The following EML6 variants were observed in gnomAD, a reference collection of about 807,000 sequenced individuals.
EML6 encodes the protein EMAP like 6, also known as echinoderm microtubule-associated protein-like 6.
A neutral mutation model predicts 240.1 loss-of-function variants in EML6; 154 were observed. The ratio of observed to expected loss-of-function variants is 0.64; its 90% CI spans 0.56 to 0.73. EML6 has a LOEUF of 0.73. EML6 is among the 30% of genes least tolerant of loss of function. The pLI, the probability that EML6 is intolerant of heterozygous loss-of-function variation, is 0.00. For synonymous variants in EML6, 1,148 were observed against 899.0 expected (o/e 1.28, Z -4.95); for missense variants, 2,964 against 2,474.6 (o/e 1.20, Z -4.20).
chr2:54,931,193 G>T (rs564060512), intron 28 of EML6, among the ~76,000 whole-genome samples: 1 of 151,926 alleles, frequency 6.6e-6, no homozygotes, highest in Middle Eastern at 3.4e-3. Flanking sequence ...TCCTGACCTC[G>T]TGATCCGCCC....
rs1672703783 is a variant in EML6 at position 54,895,276 on chromosome 2, T to G, written c.2858T>G (p.Leu953Trp). ...AATATACCATCCCCTTCCCCAGGCT[T>G]GCTTTTGGAAGATAACCCTTCAATT... Reference protein sequence around the residue: ...RSALSTSSKGLLLEDNPSIRA... With the variant: ...RSALSTSSKGWLLEDNPSIRA... The change falls in exon 21 of 42, where the codon TTG (leucine) becomes TGG (tryptophan). Residue 953 changes from leucine (L) to tryptophan (W), a missense_variant. Physicochemically the swap from Leu to Trp is moderately conservative, Grantham distance 61 (BLOSUM62 -2). Coordinates refer to ENST00000356458, the MANE Select transcript of EML6 (RefSeq NM_001039753.4). 1 of 1,551,506 alleles carries G rather than the reference T, an allele frequency of 6.4e-7. No individual in the cohort carries two copies. Among genetic ancestry groups the G allele is most frequent in the Non-Finnish European group, 8.7e-7 (1 of 1,146,866 alleles).
chr2:54,835,243 T>A (rs1299876980), intron 7 of EML6, among the ~76,000 whole-genome samples: 1 of 152,218 alleles, frequency 6.6e-6, no homozygotes, highest in Non-Finnish European at 1.5e-5. Context: ...TACAGTATAA[T>A]TTCTGTGTTA....
chr2:54,729,098 A>G (rs1683040672), intron 2 of EML6, among the ~76,000 whole-genome samples: 1 of 152,200 alleles, frequency 6.6e-6, no homozygotes, highest in South Asian at 2.1e-4. Flanking sequence ...TCATCAGTGA[A>G]ACAACTTTTC....
intron 7 of EML6, among the ~76,000 whole-genome samples, chr2:54,833,554 GATGGGTCACATTCAC>G (rs1480265273): frequency 1.3e-5 from 2 of 152,354 alleles, no homozygotes; most frequent in African/African-American, 4.8e-5. Flanking sequence ...AATGATTGGA[GATGGGTCACATTCAC>G]ATCAAGAATT....
At chr2:54,824,997 T>C (rs1339608464) in intron 5 of EML6, among the ~76,000 whole-genome samples, 1 of 152,224 alleles carries the variant, frequency 6.6e-6, no homozygotes, top group African/African-American at 2.4e-5. Flanking sequence ...ACATACATTT[T>C]AGGGAATCAT....
intron 2 of EML6, among the ~76,000 whole-genome samples, chr2:54,727,409 T>A (rs1026924141): frequency 6.6e-6 from 1 of 152,246 alleles, no homozygotes; most frequent in Non-Finnish European, 1.5e-5. Context: ...AACCACAGAT[T>A]ATTATGGAAT....
In EML6 at chr2:54,748,067, T is replaced by C. The variant is rs141195996; in HGVS notation, c.197+22809T>C. 8.4e-3 allele frequency among the ~76,000 whole-genome samples: 1,273 copies of C among 152,276 alleles called. 16 individuals are homozygous for C. The highest frequency in any genetic ancestry group is 0.029 in the African/African-American group (1,204 of 41,552). On this transcript the variant is annotated intron_variant, in intron 2 of 41. Transcript: ENST00000356458. ...GAAAATGGGTTCCTTATAGTGAAGA[T>C]TATTACAAAAATTATAATGGGTAAA...
At chr2:54,937,012 G>A (rs1162700736) in intron 28 of EML6, among the ~76,000 whole-genome samples, 1 of 146,686 alleles carries the variant, frequency 6.8e-6, no homozygotes, top group African/African-American at 2.5e-5. Flanking sequence ...GGGCACAGTG[G>A]CTCACGCCTG....
chr2:54,821,153 C>A (rs1016650834), intron 5 of EML6, among the ~76,000 whole-genome samples: 2 of 152,120 alleles, frequency 1.3e-5, no homozygotes, highest in Admixed American at 1.3e-4. Context: ...ATAAGGATTA[C>A]TTTCTTGAAT....
At position 54,887,934 on chromosome 2, in the gene EML6, C is replaced by A. The variant is rs1032776795; in HGVS notation, c.2439-3120C>A. On this transcript the variant is annotated intron_variant, in intron 17 of 41. Transcript: ENST00000356458. ...TGACATATCATTATCACCCGAAGTC[C>A]GCAGTTTATATTAGCATTCACTTGT... Among the ~76,000 whole-genome samples the A allele has an allele frequency of 8.5e-5, 13 of 152,150 alleles. 1 individual carries two copies. The highest frequency in any genetic ancestry group is 3.1e-4 in the African/African-American group (13 of 41,428).
chr2:54,804,852 TG>T (rs752311443), intron 2 of EML6, among the ~76,000 whole-genome samples: 1 of 152,242 alleles, frequency 6.6e-6, no homozygotes, highest in Non-Finnish European at 1.5e-5. Flanking sequence ...TCTTTAGACA[TG>T]TTGACTTCCT....
intron 7 of EML6, among the ~76,000 whole-genome samples, chr2:54,836,710 T>C (rs1669163728): frequency 6.6e-6 from 1 of 152,176 alleles, no homozygotes; most frequent in Non-Finnish European, 1.5e-5. Context: ...GGCCTGGTAC[T>C]CAGGAGGGCC....
At chr2:54,771,312 C>G (rs1289364539) in intron 2 of EML6, among the ~76,000 whole-genome samples, 1 of 152,190 alleles carries the variant, frequency 6.6e-6, no homozygotes, top group East Asian at 1.9e-4. Context: ...CGCTCATTCT[C>G]TGTCATCCTG....
chr2:54,879,809 A>T (rs1671721750), intron 17 of EML6, 169 bp downstream of exon 17: 1 of 598,504 alleles, frequency 1.7e-6, no homozygotes, highest in African/African-American at 1.9e-5. Context: ...GCCAAACCTG[A>T]CTTAGAGCAG....
intron 26 of EML6, among the ~76,000 whole-genome samples, chr2:54,918,671 G>A (rs747502068): frequency 2.0e-4 from 31 of 152,194 alleles, no homozygotes; most frequent in Non-Finnish European, 3.5e-4. Flanking sequence ...TAATCTACAC[G>A]TTGTAACAAT....
intron 20 of EML6, 79 bp downstream of exon 20, chr2:54,895,105 A>T (rs755468866): frequency 2.2e-6 from 3 of 1,340,846 alleles, no homozygotes; most frequent in African/African-American, 2.9e-5. Context: ...TTAGAAAACT[A>T]TTAGCAAATC....
At chr2:54,931,883 G>T (rs372880015) in intron 28 of EML6, among the ~76,000 whole-genome samples, 174 of 152,270 alleles carry the variant, frequency 1.1e-3, no homozygotes, top group Middle Eastern at 6.8e-3. Context: ...AGCACCTGTC[G>T]TACTGAGAAA....
intron 26 of EML6, among the ~76,000 whole-genome samples, chr2:54,923,272 C>G (rs531518725): frequency 6.6e-6 from 1 of 151,828 alleles, no homozygotes; most frequent in Non-Finnish European, 1.5e-5. Context: ...TAAATAAGTT[C>G]TGGGGATCTG....
chr2:54,923,230 C>G (rs1674354172), intron 26 of EML6, among the ~76,000 whole-genome samples: 1 of 151,992 alleles, frequency 6.6e-6, no homozygotes, highest in Non-Finnish European at 1.5e-5. Context: ...TGTGAGCCAC[C>G]ACGCCTGGCC....
Sources: allele counts gnomAD v4.1 joint callset (sites outside exome capture counted in the v4.1 genomes callset), GRCh38; gene constraint gnomAD v4.1.1; transcripts MANE v1.5; gene names NCBI Gene and HGNC (gene_info 2026-07-23, HGNC 2026-07-21).